RABGAP1L: variants seen among roughly 807,000 people sequenced by gnomAD.
RABGAP1L encodes the protein rab GTPase-activating protein 1-like.
In RABGAP1L, 63 loss-of-function variants were observed where a neutral mutation model predicts 137.7. The ratio of observed to expected loss-of-function variants is 0.46; its 90% CI spans 0.37 to 0.56. The LOEUF is 0.56. Among genes scored for constraint, RABGAP1L ranks in the 20% least tolerant of loss-of-function variants. The pLI, the probability that RABGAP1L is intolerant of heterozygous loss-of-function variation, is 0.00. For missense variants in RABGAP1L, 1,095 were observed against 1,244.0 expected (o/e 0.88, Z 1.80); for synonymous variants, 431 against 433.7 (o/e 0.99, Z 0.08).
Position 174,826,305 on chromosome 1 carries a change from C to CA in RABGAP1L, c.2340+14346dup, listed in dbSNP as rs574809476. On this transcript the variant is annotated intron_variant, in intron 19 of 25. Coordinates refer to ENST00000681986, the MANE Select transcript of RABGAP1L (RefSeq NM_001366446.1). ...GGAGTGCAATGGTGCGATCTTCCCTCACGCCTCTCGGGTTCAAGTGATTCT... is the reference window on the plus strand; with the variant it reads ...GGAGTGCAATGGTGCGATCTTCCCTCAACGCCTCTCGGGTTCAAGTGATTCT... 5.9e-3 allele frequency among the ~76,000 whole-genome samples: 900 copies of CA among 152,224 alleles called. 16 individuals are homozygous for CA. Among genetic ancestry groups the CA allele is most frequent in the African/African-American group, 0.021 (865 of 41,522 alleles).
intron 19 of RABGAP1L, among the ~76,000 whole-genome samples, chr1:174,838,777 C>T (rs913512401): frequency 6.6e-6 from 1 of 151,446 alleles, no homozygotes; most frequent in Non-Finnish European, 1.5e-5. Flanking sequence ...ATTAGCCGGG[C>T]TTGCTGGCGG....
chr1:174,581,705 A>T (rs964646212), intron 13 of RABGAP1L, among the ~76,000 whole-genome samples: 2 of 152,212 alleles, frequency 1.3e-5, no homozygotes, highest in African/African-American at 2.4e-5. Context: ...TGTGAATTTT[A>T]TCTTAATAAA....
At chr1:174,423,552 A>G (rs1651604067) in intron 13 of RABGAP1L, among the ~76,000 whole-genome samples, 1 of 152,170 alleles carries the variant, frequency 6.6e-6, no homozygotes, top group South Asian at 2.1e-4. Flanking sequence ...GTCAACTGAT[A>G]AAAAAATTTA....
intron 1 of RABGAP1L, among the ~76,000 whole-genome samples, chr1:174,181,290 G>A (rs1276194961): frequency 6.6e-6 from 1 of 151,712 alleles, no homozygotes; most frequent in Admixed American, 6.6e-5. Flanking sequence ...ATGTGCATGT[G>A]CCACTGTGCC....
chr1:174,702,021 G>T (rs113854622), intron 16 of RABGAP1L, 92 bp from the exon 17 acceptor site: 1 of 1,194,596 alleles, frequency 8.4e-7, no homozygotes, highest in Non-Finnish European at 1.2e-6. Flanking sequence ...AGCGATCATA[G>T]AAAGCTGTTT....
chr1:174,747,275 C>T (rs1683947335), intron 17 of RABGAP1L, among the ~76,000 whole-genome samples: 1 of 151,802 alleles, frequency 6.6e-6, no homozygotes, highest in South Asian at 2.1e-4. Flanking sequence ...TGGTGGCACA[C>T]ACATGTAGTC....
chr1:174,294,858 A>T (rs964083121), intron 10 of RABGAP1L, among the ~76,000 whole-genome samples: 1 of 152,110 alleles, frequency 6.6e-6, no homozygotes, highest in Non-Finnish European at 1.5e-5. Flanking sequence ...CTTGATTGAG[A>T]TAGAGTTCCT....
intron 13 of RABGAP1L, among the ~76,000 whole-genome samples, chr1:174,456,006 A>C (rs886725121): frequency 6.6e-6 from 1 of 152,096 alleles, no homozygotes; most frequent in African/African-American, 2.4e-5. Flanking sequence ...GATGGCTGGT[A>C]ATAGAGTGAC....
chr1:174,927,134 A>G (rs1023085090), intron 19 of RABGAP1L, among the ~76,000 whole-genome samples: 1 of 151,870 alleles, frequency 6.6e-6, no homozygotes, highest in Admixed American at 6.6e-5. Context: ...CCTGATTTTA[A>G]AGGGAACATT....
intron 18 of RABGAP1L, among the ~76,000 whole-genome samples, chr1:174,790,691 T>A (rs1241836097): frequency 6.6e-6 from 1 of 151,650 alleles, no homozygotes; most frequent in African/African-American, 2.4e-5. Flanking sequence ...GCAGTAGAGC[T>A]AGCCATATGA....
intron 13 of RABGAP1L, among the ~76,000 whole-genome samples, chr1:174,465,202 A>G (rs538149124): frequency 6.6e-6 from 1 of 152,186 alleles, no homozygotes; most frequent in Non-Finnish European, 1.5e-5. Context: ...GCGAATATTT[A>G]TTGAGCATTT....
rs564680293 is a variant in RABGAP1L at position 174,722,035 on chromosome 1, G to A, written c.2169+19779G>A. Among the ~76,000 whole-genome samples, 16 of 152,218 alleles carry A rather than the reference G, an allele frequency of 1.1e-4. No individual in the cohort carries two copies. The South Asian group carries it at 1.9e-3, about 18-fold the overall frequency. On this transcript the variant is annotated intron_variant, in intron 17 of 25. Transcript: ENST00000681986. ...CACCCTCTGAATCCCTGGTTCAAGC[G>A]ATTCTTCTGCCACAGCCTCCCTAGT...
At chr1:174,877,915 T>C (rs1407520059) in intron 19 of RABGAP1L, among the ~76,000 whole-genome samples, 2 of 152,194 alleles carry the variant, frequency 1.3e-5, no homozygotes, top group East Asian at 1.9e-4. Context: ...TAGCATACAA[T>C]TGAGGCTCAT....
In RABGAP1L at chr1:174,619,254, G is replaced by T. The variant is rs536896241; in HGVS notation, c.1711-18121G>T. The stretch of plus-strand genomic sequence containing the variant: ...CAGGAGAACTTCCCCAATCTAGCAA[G>T]GCAGGCAACATTCAGATTCAGGAAA... On this transcript the variant is annotated intron_variant, in intron 13 of 25. Coordinates refer to ENST00000681986, the MANE Select transcript of RABGAP1L (RefSeq NM_001366446.1). 1.1e-4 allele frequency among the ~76,000 whole-genome samples: 16 copies of T among 152,220 alleles called. No homozygotes were observed. In the South Asian group the frequency reaches 3.3e-3, roughly 32 times the overall value.
At chr1:174,953,014 T>G (rs1194602716) in intron 19 of RABGAP1L, among the ~76,000 whole-genome samples, 1 of 121,404 alleles carries the variant, frequency 8.2e-6, no homozygotes, top group Admixed American at 8.4e-5. Flanking sequence ...ATACAAAAAT[T>G]AGCTAGGCAT....
Position 174,551,001 on chromosome 1 carries a change from T to TATATATAC in RABGAP1L, c.1711-86367_1711-86366insCATATATA, listed in dbSNP as rs1666482949. On this transcript the variant is annotated intron_variant, in intron 13 of 25. Transcript: ENST00000681986. ...ATATATACATATATATATATACACA[T>TATATATAC]ATATATATATATATATATATACATA... is the stretch of plus-strand genomic sequence containing the variant. Among the ~76,000 whole-genome samples, 7 of 95,884 alleles carry TATATATAC rather than the reference T, an allele frequency of 7.3e-5. 3 individuals are homozygous for TATATATAC. The highest frequency in any genetic ancestry group is 3.6e-4 in the African/African-American group (7 of 19,414). 62.9% of individuals were successfully genotyped at this position (95,884 alleles called of 152,430 possible). A position where few individuals can be genotyped will look rare whatever the true frequency, so the allele number is the denominator to read the frequency against.
intron 13 of RABGAP1L, among the ~76,000 whole-genome samples, chr1:174,501,739 A>T (rs950105897): frequency 6.6e-6 from 1 of 152,072 alleles, no homozygotes; most frequent in Non-Finnish European, 1.5e-5. Context: ...ACATTTTTTT[A>T]AAAATCCATA....
intron 13 of RABGAP1L, among the ~76,000 whole-genome samples, chr1:174,407,915 T>G (rs1012111722): frequency 3.9e-5 from 6 of 152,262 alleles, no homozygotes; most frequent in Non-Finnish European, 8.8e-5. Context: ...ACTGCTCACA[T>G]GGAGATGATT....
chr1:174,701,719 G>A (rs1055417923), intron 16 of RABGAP1L, among the ~76,000 whole-genome samples: 7 of 145,626 alleles, frequency 4.8e-5, no homozygotes, highest in Admixed American at 1.4e-4. Flanking sequence ...CTCCAGCCTG[G>A]ATGACAGAGC....
Sources: gnomAD v4.1 joint callset for allele counts (sites outside exome capture counted in the v4.1 genomes callset) on GRCh38, gnomAD v4.1.1 for gene constraint, MANE v1.5 for transcripts, NCBI Gene and HGNC (gene_info 2026-07-23, HGNC 2026-07-21) for gene names.